Variants in MUS81 observed in about 807,000 individuals in gnomAD.
MUS81 encodes structure-specific endonuclease subunit MUS81.
In MUS81, 69 loss-of-function variants were observed where a neutral mutation model predicts 74.2. That is an observed-to-expected ratio of 0.93 (90% CI 0.77 to 1.14). MUS81 has a LOEUF of 1.14. MUS81 is among the 50% of genes most tolerant of loss of function. The probability of loss-of-function intolerance (pLI) is 0.00; values close to 1 mark genes in which losing one functional copy is unlikely to be tolerated. For synonymous variants in MUS81, 303 were observed against 300.6 expected, an observed-to-expected ratio of 1.01 and a Z score of -0.08; for missense variants, 711 against 726.5, an observed-to-expected ratio of 0.98 and a Z score of 0.25.
downstream of MUS81, chr11:65,866,773 C>T: frequency 1.8e-6 from 2 of 1,093,074 alleles, no homozygotes; most frequent in Non-Finnish European, 2.7e-6. Flanking sequence ...TGCCACCCTG[C>T]CCCAGCCTGA....
rs1304348694 is a variant in MUS81 at position 65,864,802 on chromosome 11, A to G, written c.1259A>G (p.Gln420Arg). 1 of 1,612,942 alleles carries G rather than the reference A, an allele frequency of 6.2e-7. No homozygotes were observed. Among genetic ancestry groups the G allele is most frequent in the Non-Finnish European group, 8.5e-7 (1 of 1,179,888 alleles). ...CTGGCCCTCTTGACGCGGGGCCTGC[A>G]GAGACTCTACCAGGTGAGCAGAGGC... Reference protein sequence around the residue: ...AYLALLTRGLQRLYQGHTLRS... With the variant: ...AYLALLTRGLRRLYQGHTLRS... Residue 420 changes from glutamine to arginine, a missense_variant, in exon 12 of 16, where the codon CAG (glutamine) becomes CGG (arginine). Physicochemically the swap from Gln to Arg is conservative, Grantham distance 43. Coordinates refer to ENST00000308110, the MANE Select transcript of MUS81 (RefSeq NM_025128.5).
At chr11:65,867,031 C>T (rs1859861869), downstream of MUS81, 1 of 1,614,130 alleles carries the variant, frequency 6.2e-7, no homozygotes, top group East Asian at 2.2e-5. Context: ...TCCCGGGGGC[C>T]CGTCACCGGC....
Position 65,860,894 on chromosome 11 carries a change from T to C in MUS81, c.135+6T>C. The C allele has an allele frequency of 6.3e-7, 1 of 1,596,714 alleles. No homozygotes were observed. The highest frequency in any genetic ancestry group is 8.5e-7 in the Non-Finnish European group (1 of 1,173,760). On this transcript the variant is annotated splice_donor_region_variant and intron_variant, in intron 1 of 15. Transcript: ENST00000308110. ...CGCGCTTCGTATTTCAGAAGGTGGG[T>C]CCTGGCGTGGCCCGATGGGAAAAGC...
intron 2 of MUS81, 109 bp downstream of exon 2, chr11:65,861,211 C>G: frequency 6.4e-7 from 1 of 1,572,506 alleles, no homozygotes; most frequent in Non-Finnish European, 8.6e-7. Flanking sequence ...TCCCAGTTGC[C>G]GTTCGGCCTA....
chr11:65,865,120 T>C lies in MUS81; in HGVS notation c.1376T>C (p.Phe459Ser). The change falls in exon 13 of 16, where the codon TTC becomes TCC. Residue 459 changes from phenylalanine (F) to serine (S), a missense_variant. Phe to Ser is a radical substitution (Grantham distance 155). Coordinates refer to ENST00000308110, the MANE Select transcript of MUS81 (RefSeq NM_025128.5). ...PLCSLLTFSDFNAGAIKNKAQ... is the reference protein window; with the variant it reads ...PLCSLLTFSDSNAGAIKNKAQ... ...TGCTCACTCCTCACCTTCAGTGACT[T>C]CAACGCAGGAGCCATCAAGAATAAG... 1 of 1,614,218 alleles carries C rather than the reference T, an allele frequency of 6.2e-7. No individual in the cohort carries two copies. The highest frequency in any genetic ancestry group is 8.5e-7 in the Non-Finnish European group (1 of 1,180,042).
intron 5 of MUS81, 44 bp from the exon 6 acceptor site, chr11:65,862,400 G>A: frequency 6.3e-7 from 1 of 1,592,272 alleles, no homozygotes; most frequent in African/African-American, 1.3e-5. Context: ...ATGGACTTGT[G>A]GTGGTACCAG....
At chr11:65,861,848 G>A (rs2134725671) in intron 3 of MUS81, 99 bp from the exon 4 acceptor site, 2 of 899,848 alleles carry the variant, frequency 2.2e-6, no homozygotes, top group East Asian at 2.7e-5. Context: ...GAAACTGAGA[G>A]ACAACTGAGT....
downstream of MUS81, chr11:65,867,318 G>C (rs1468856086): frequency 1.0e-5 from 6 of 582,490 alleles, no homozygotes; most frequent in East Asian, 1.7e-4. Flanking sequence ...TGCTCTGTCT[G>C]ACCCAGGCTA....
At chr11:65,860,089 T>C (rs1051580319), upstream of MUS81, 2 of 359,244 alleles carry the variant, frequency 5.6e-6, no homozygotes, top group Admixed American at 3.1e-5. Context: ...CTCTTTGCCC[T>C]GTATCCCGGG....
Position 65,863,210 on chromosome 11 carries a change from G to A in MUS81, c.746+5G>A, listed in dbSNP as rs201417841. The A allele has an allele frequency of 3.6e-5, 58 of 1,611,344 alleles. No individual in the cohort carries two copies. The highest frequency in any genetic ancestry group is 4.3e-5 in the Non-Finnish European group (51 of 1,178,704). ...AGGAGCAGCTTCAGCAGAGCTGTGA[G>A]GAGGAGGGCAGAGGAGTGGGGAAAA... is the stretch of plus-strand genomic sequence containing the variant. On this transcript the variant is annotated splice_donor_5th_base_variant and intron_variant, in intron 7 of 15. Transcript: ENST00000308110.
At chr11:65,866,805 C>T (rs946630454), downstream of MUS81, 2 of 1,391,338 alleles carry the variant, frequency 1.4e-6, no homozygotes, top group African/African-American at 2.9e-5. Context: ...GTGTGACCCG[C>T]CCACCTCAGC....
At chr11:65,860,078 A>C, upstream of MUS81, 1 of 314,652 alleles carries the variant, frequency 3.2e-6, no homozygotes. Context: ...TCCACCACAC[A>C]CTCTTTGCCC....
intron 3 of MUS81, 47 bp downstream of exon 3, chr11:65,861,482 G>A: frequency 1.3e-6 from 2 of 1,514,450 alleles, no homozygotes; most frequent in East Asian, 2.4e-5. Context: ...GAGTGCGGGA[G>A]TATGATTTTC....
chr11:65,863,224 G>C lies in MUS81; in HGVS notation c.746+19G>C. 2 of 1,606,516 alleles carry C rather than the reference G, an allele frequency of 1.2e-6. No homozygotes were observed. The highest frequency in any genetic ancestry group is 1.7e-6 in the Non-Finnish European group (2 of 1,175,750). On this transcript the variant is annotated intron_variant, in intron 7 of 15. Transcript: ENST00000308110. ...CAGAGCTGTGAGGAGGAGGGCAGAG[G>C]AGTGGGGAAAACAGGGAGGAGGGGA...
At chr11:65,865,930 G>A in intron 15 of MUS81, 36 bp downstream of exon 15, 1 of 1,614,068 alleles carries the variant, frequency 6.2e-7, no homozygotes, top group South Asian at 1.1e-5. Flanking sequence ...GGGAGTGGCA[G>A]GGACTGGGGC....
At position 65,863,449 on chromosome 11, in the gene MUS81, G is replaced by A. The variant is rs1385992548; in HGVS notation, c.786G>A (p.Leu262=). 1.2e-6 allele frequency: 2 copies of A among 1,614,168 alleles called. No homozygotes were observed. Among genetic ancestry groups the A allele is most frequent in the Middle Eastern group, 1.6e-4 (1 of 6,062 alleles). Residue 262 remains leucine, a synonymous_variant, in exon 8 of 16, where the codon CTG becomes CTA. Transcript: ENST00000308110. ...EAGVQQQPLE[L]RPGEYRVLLC... ...GGGTCCAGCAGCAGCCACTGGAGCT[G>A]AGGCCTGGAGAGTACAGGGTGCTGT...
chr11:65,861,413 A>C lies in MUS81; in HGVS notation c.329A>C (p.Glu110Ala), dbSNP rs776347471. The change falls in exon 3 of 16, where the codon GAA becomes GCA. Residue 110 changes from glutamate to alanine, a missense_variant. Coordinates refer to ENST00000308110, the MANE Select transcript of MUS81 (RefSeq NM_025128.5). ...NSPAPQGRLAEVQDSSMPVPA... is the reference protein window; with the variant it reads ...NSPAPQGRLAAVQDSSMPVPA... Reference sequence around the variant, plus strand: ...CCAGCCCCGCAGGGGCGACTTGCGGAAGTCCAGGACTCTTCCATGCCAGTG... The same window carrying C: ...CCAGCCCCGCAGGGGCGACTTGCGGCAGTCCAGGACTCTTCCATGCCAGTG... 1.4e-5 allele frequency: 23 copies of C among 1,603,918 alleles called. No individual in the cohort carries two copies. In the East Asian group the frequency reaches 2.9e-4, roughly 20 times the overall value.
In MUS81 at chr11:65,860,523, A is replaced by G. The variant is rs1859547216; in HGVS notation, c.-231A>G. 1 of 603,016 alleles carries G rather than the reference A, an allele frequency of 1.7e-6. No individual in the cohort carries two copies. 37.4% of individuals were successfully genotyped at this position (603,016 alleles called of 1,614,324 possible). A position where few individuals can be genotyped will look rare whatever the true frequency, so the allele number is the denominator to read the frequency against. ...TGGAGCCAAGGGAAAAGATCGTTAG[A>G]GACAGCGCCCCTGACCAACCACTTA... On this transcript the variant is annotated 5_prime_UTR_variant, in exon 1 of 16. Coordinates refer to ENST00000308110, the MANE Select transcript of MUS81 (RefSeq NM_025128.5).
In MUS81 at chr11:65,860,896, C is replaced by G. The variant is rs1205453377; in HGVS notation, c.135+8C>G. 2 of 1,597,902 alleles carry G rather than the reference C, an allele frequency of 1.3e-6. No homozygotes were observed. Among genetic ancestry groups the G allele is most frequent in the Non-Finnish European group, 8.5e-7 (1 of 1,173,904 alleles). On this transcript the variant is annotated splice_region_variant and intron_variant, in intron 1 of 15. Coordinates refer to ENST00000308110, the MANE Select transcript of MUS81 (RefSeq NM_025128.5). The stretch of plus-strand genomic sequence containing the variant: ...CGCTTCGTATTTCAGAAGGTGGGTC[C>G]TGGCGTGGCCCGATGGGAAAAGCTG...
Sources: gnomAD v4.1 joint callset for allele counts on GRCh38, gnomAD v4.1.1 for gene constraint, MANE v1.5 for transcripts, NCBI Gene and HGNC (gene_info 2026-07-23, HGNC 2026-07-21) for gene names.